The following NFAT5 variants were observed in gnomAD, a reference collection of about 807,000 sequenced individuals.
The protein encoded by NFAT5 is nuclear factor of activated T cells 5, also known as nuclear factor of activated T-cells 5.
NFAT5 carries 31 observed loss-of-function variants against 166.5 expected under a neutral mutation model. The ratio of observed to expected loss-of-function variants is 0.19; its 90% CI spans 0.14 to 0.25. The LOEUF (loss-of-function observed/expected upper bound fraction) is 0.25, where lower values mean the gene tolerates loss of function less well. NFAT5 is among the 10% of genes least tolerant of loss of function. The pLI, the probability that NFAT5 is intolerant of heterozygous loss-of-function variation, is 1.00. For missense variants in NFAT5, 1,449 were observed against 1,821.8 expected (o/e 0.80, Z 3.72); for synonymous variants, 612 against 639.7 (o/e 0.96, Z 0.65).
chr16:69,677,644 T>C (rs999295858), intron 10 of NFAT5, among the ~76,000 whole-genome samples: 4 of 152,214 alleles, frequency 2.6e-5, no homozygotes, highest in Admixed American at 1.3e-4. Flanking sequence ...CTACCGCTTA[T>C]GTGCAGAAAC....
chr16:69,629,777 T>TC (rs1436449566), intron 3 of NFAT5, among the ~76,000 whole-genome samples: 1 of 148,516 alleles, frequency 6.7e-6, no homozygotes, highest in African/African-American at 2.5e-5. Flanking sequence ...AATTTTTTTT[T>TC]TTTTTTTTTT....
intron 2 of NFAT5, among the ~76,000 whole-genome samples, chr16:69,605,162 G>A (rs534329085): frequency 7.9e-5 from 12 of 152,268 alleles, no homozygotes; most frequent in South Asian, 4.1e-4. Flanking sequence ...AGTGGAGGCC[G>A]GGTGTGGTGG....
intron 2 of NFAT5, among the ~76,000 whole-genome samples, chr16:69,596,075 A>G (rs1163727099): frequency 1.3e-5 from 2 of 152,214 alleles, no homozygotes; most frequent in Non-Finnish European, 2.9e-5. Flanking sequence ...TTGGTTGACC[A>G]TGGGTAACTG....
At chr16:69,609,948 A>G (rs1180109002) in intron 2 of NFAT5, among the ~76,000 whole-genome samples, 1 of 151,978 alleles carries the variant, frequency 6.6e-6, no homozygotes, top group Non-Finnish European at 1.5e-5. Flanking sequence ...TGAGGCTGCA[A>G]TGAGCAATGA....
intron 3 of NFAT5, among the ~76,000 whole-genome samples, chr16:69,639,538 A>G (rs1013517520): frequency 6.6e-6 from 1 of 152,194 alleles, no homozygotes; most frequent in South Asian, 2.1e-4. Flanking sequence ...CAAACCCTTC[A>G]GCTTCAGCAG....
At chr16:69,680,675 A>G (rs982534358) in intron 10 of NFAT5, among the ~76,000 whole-genome samples, 8 of 152,228 alleles carry the variant, frequency 5.3e-5, no homozygotes, top group African/African-American at 1.4e-4. Context: ...AAACTTTGTA[A>G]TACAATCTAA....
chr16:69,678,994 C>T (rs748503159), intron 10 of NFAT5, among the ~76,000 whole-genome samples: 27 of 152,040 alleles, frequency 1.8e-4, no homozygotes, highest in African/African-American at 2.7e-4. Context: ...GGTGCAGTAG[C>T]GTGATCCTGG....
At chr16:69,687,851 G>A (rs899737507) in intron 11 of NFAT5, among the ~76,000 whole-genome samples, 1 of 152,144 alleles carries the variant, frequency 6.6e-6, no homozygotes, top group African/African-American at 2.4e-5. Flanking sequence ...ACAGTGGCTA[G>A]TGCCTATAAT....
At chr16:69,634,786 G>A (rs990166286) in intron 3 of NFAT5, among the ~76,000 whole-genome samples, 44 of 152,162 alleles carry the variant, frequency 2.9e-4, no homozygotes, top group African/African-American at 1.0e-3. Flanking sequence ...GAGTCATAAA[G>A]ACTGAATTTG....
At chr16:69,691,567 A>C (rs935909302) in intron 12 of NFAT5, among the ~76,000 whole-genome samples, 182 bp from the exon 13 acceptor site, 1 of 152,154 alleles carries the variant, frequency 6.6e-6, no homozygotes, top group Non-Finnish European at 1.5e-5. Context: ...AATATATCTC[A>C]AGGAAAATGA....
chr16:69,591,141 A>G (rs922577163), intron 2 of NFAT5, among the ~76,000 whole-genome samples: 6 of 152,142 alleles, frequency 3.9e-5, no homozygotes, highest in African/African-American at 1.4e-4. Flanking sequence ...CATGTTGACC[A>G]GGCTGGTCTC....
intron 2 of NFAT5, among the ~76,000 whole-genome samples, chr16:69,595,275 A>G (rs1449929214): frequency 6.6e-6 from 1 of 152,186 alleles, no homozygotes; most frequent in Non-Finnish European, 1.5e-5. Flanking sequence ...CCTTCTTATA[A>G]TGATGTAAGA....
At chr16:69,671,904 C>T (rs1447617405) in intron 9 of NFAT5, among the ~76,000 whole-genome samples, 1 of 152,178 alleles carries the variant, frequency 6.6e-6, no homozygotes, top group Non-Finnish European at 1.5e-5. Context: ...TTATATACTG[C>T]CCATGCAGCT....
chr16:69,667,494 T>TAAAAAAAAAAA (rs57015431), intron 7 of NFAT5, among the ~76,000 whole-genome samples: 1 of 125,938 alleles, frequency 7.9e-6, no homozygotes, highest in Non-Finnish European at 1.8e-5. Context: ...TTGCAGAAAC[T>TAAAAAAAAAAA]AAAAAAAAAA....
intron 4 of NFAT5, chr16:69,648,193 C>CAA (rs146719802): frequency 1.1e-3 from 853 of 808,142 alleles, no homozygotes; most frequent in Middle Eastern, 3.1e-3. Context: ...AAAAAAACAC[C>CAA]AAAAAAAAAA....
intron 2 of NFAT5, among the ~76,000 whole-genome samples, chr16:69,615,030 C>A (rs1270399447): frequency 1.3e-5 from 2 of 151,288 alleles, no homozygotes; most frequent in African/African-American, 4.9e-5. Context: ...GCACCCACCA[C>A]CACTCCCAGC....
At chr16:69,621,351 G>C (rs1295720712) in intron 2 of NFAT5, among the ~76,000 whole-genome samples, 1 of 151,794 alleles carries the variant, frequency 6.6e-6, no homozygotes, top group Non-Finnish European at 1.5e-5. Context: ...TAAATACAGA[G>C]TTGTGTAACC....
At chr16:69,688,204 A>AAAAAAAAAAC (rs2037394939) in intron 11 of NFAT5, among the ~76,000 whole-genome samples, 12 of 96,870 alleles carry the variant, frequency 1.2e-4, no homozygotes, top group African/African-American at 6.5e-4. Context: ...CTCCGTCTCA[A>AAAAAAAAAAC]AAAAAAAAAA....
chr16:69,570,760 T>G lies in NFAT5; in HGVS notation c.127+2212T>G, dbSNP rs948436021. 1.1e-4 allele frequency among the ~76,000 whole-genome samples: 16 copies of G among 152,220 alleles called. 2 individuals carry two copies. Among genetic ancestry groups the G allele is most frequent in the East Asian group, 3.9e-4 (2 of 5,188 alleles). ...GTATATCCTATAACCTATGTTGAAA[T>G]TGTAGGCCATGCTGCTAGATTGGAG... On this transcript the variant is annotated intron_variant, in intron 2 of 14. Transcript: ENST00000349945.
Sources: allele counts gnomAD v4.1 joint callset (sites outside exome capture counted in the v4.1 genomes callset), GRCh38; gene constraint gnomAD v4.1.1; transcripts MANE v1.5; gene names NCBI Gene and HGNC (gene_info 2026-07-23, HGNC 2026-07-21).